UMODL1: variants seen among roughly 807,000 people sequenced by gnomAD.
UMODL1 encodes uromodulin-like 1.
In UMODL1, 128 loss-of-function variants were observed where a neutral mutation model predicts 136.3. The observed-to-expected ratio is 0.94, with a 90% CI of 0.81 to 1.09. UMODL1 has a LOEUF of 1.09. Among genes scored for constraint, UMODL1 ranks in the 50% least tolerant of loss-of-function variants. The probability of loss-of-function intolerance (pLI) is 0.00; values close to 1 mark genes in which losing one functional copy is unlikely to be tolerated. For synonymous variants in UMODL1, 721 were observed against 720.0 expected, an observed-to-expected ratio of 1.00 and a Z score of -0.02; for missense variants, 1,766 against 1,725.6, an observed-to-expected ratio of 1.02 and a Z score of -0.41.
At chr21:42,138,324 C>T (rs1260265692) in intron 22 of UMODL1, among the ~76,000 whole-genome samples, 1 of 152,150 alleles carries the variant, frequency 6.6e-6, no homozygotes, top group Non-Finnish European at 1.5e-5. Context: ...ACCTGGTGCT[C>T]GTAGGGATTG....
At chr21:42,127,876 C>A in intron 20 of UMODL1, 45 bp downstream of exon 20, 2 of 1,607,114 alleles carry the variant, frequency 1.2e-6, no homozygotes, top group South Asian at 1.1e-5. Flanking sequence ...GATTCACGTT[C>A]CTTATTGTTA....
chr21:42,128,245 C>T (rs1375037483), intron 20 of UMODL1: 2 of 299,052 alleles, frequency 6.7e-6, no homozygotes, highest in Non-Finnish European at 6.6e-6. Context: ...AAAGTTTTTT[C>T]CCCTTTCCTT....
rs2066605944 is a variant in UMODL1 at position 42,099,898 on chromosome 21, G to A, written c.1186+718G>A. Among the ~76,000 whole-genome samples the A allele has an allele frequency of 6.6e-6, 1 of 152,154 alleles. No individual in the cohort carries two copies. The highest frequency in any genetic ancestry group is 2.4e-5 in the African/African-American group (1 of 41,430). ...GTCTTGCCATGTTGCTCAGGCTGGT[G>A]TCAAACTCCTGGGCTCAAGTGATCT... is the stretch of plus-strand genomic sequence containing the variant. On this transcript the variant is annotated intron_variant, in intron 7 of 22. Coordinates refer to ENST00000408910, the MANE Select transcript of UMODL1 (RefSeq NM_001004416.3). The surrounding 1 kb of genome is among the most constrained non-coding windows in gnomAD (Gnocchi z 4.1).
intron 21 of UMODL1, among the ~76,000 whole-genome samples, chr21:42,130,536 C>T (rs957034004): frequency 2.6e-5 from 4 of 152,160 alleles, no homozygotes; most frequent in African/African-American, 9.7e-5. Context: ...ATAGAAATAG[C>T]GTCCCCAGGT....
chr21:42,137,342 TTCAGATCCA>T (rs1443591896), intron 21 of UMODL1, 88 bp from the exon 22 acceptor site: 22 of 1,473,182 alleles, frequency 1.5e-5, no homozygotes, highest in Non-Finnish European at 2.0e-5. Flanking sequence ...TTCCCCGTGC[TTCAGATCCA>T]TCAGCCCCGG....
intron 8 of UMODL1, chr21:42,102,536 CTTA>C: frequency 3.8e-6 from 1 of 261,842 alleles, no homozygotes; most frequent in Non-Finnish European, 7.3e-6. Flanking sequence ...GTGTACACCA[CTTA>C]CTCCTACTGT....
At chr21:42,076,958 A>G (rs908544447) in intron 2 of UMODL1, among the ~76,000 whole-genome samples, 2 of 148,714 alleles carry the variant, frequency 1.3e-5, no homozygotes, top group African/African-American at 5.0e-5. Context: ...GCAGGGACTC[A>G]GGGCTCAGCC....
At chr21:42,100,766 C>T (rs1348746154) in intron 7 of UMODL1, among the ~76,000 whole-genome samples, 1 of 89,364 alleles carries the variant, frequency 1.1e-5, no homozygotes, top group African/African-American at 4.6e-5. Flanking sequence ...ACCCCATGCC[C>T]TCCTCACCCT....
rs1212631186 is a variant in UMODL1 at position 42,122,256 on chromosome 21, G to C, written c.2828-575G>C. On this transcript the variant is annotated intron_variant, in intron 16 of 22. Coordinates refer to ENST00000408910, the MANE Select transcript of UMODL1 (RefSeq NM_001004416.3). This position sits in a 1 kb window ranked among gnomAD's most constrained non-coding sequence, Gnocchi z 4.3. ...ATATAGACCACCCCGAGAACAGGTGGGTGGATTGGAAAGCTTTCCGGGCCC... is the reference window on the plus strand; with the variant it reads ...ATATAGACCACCCCGAGAACAGGTGCGTGGATTGGAAAGCTTTCCGGGCCC... Among the ~76,000 whole-genome samples the C allele has an allele frequency of 6.6e-6, 1 of 152,194 alleles. No homozygotes were observed. Among genetic ancestry groups the C allele is most frequent in the Non-Finnish European group, 1.5e-5 (1 of 68,024 alleles).
chr21:42,074,564 G>C (rs1386025884), intron 1 of UMODL1, among the ~76,000 whole-genome samples: 1 of 152,146 alleles, frequency 6.6e-6, no homozygotes, highest in Non-Finnish European at 1.5e-5. Flanking sequence ...CAGGGGTCTC[G>C]AGAACGGAGT....
chr21:42,093,951 C>CTA (rs1488528439), intron 6 of UMODL1: 1 of 456,798 alleles, frequency 2.2e-6, no homozygotes, highest in Non-Finnish European at 4.4e-6. Context: ...AGAGAACTGT[C>CTA]TATAGATTCC....
At chr21:42,106,953 T>A (rs1202126464) in intron 9 of UMODL1, among the ~76,000 whole-genome samples, 1 of 152,212 alleles carries the variant, frequency 6.6e-6, no homozygotes, top group African/African-American at 2.4e-5. Context: ...GACAGTGCAT[T>A]TCTGATGGCC....
rs915839 is a variant in UMODL1, at chr21:42,126,526, G to A, written c.3293+36G>A. The A allele has an allele frequency of 1.9e-3, 3,094 of 1,613,834 alleles. 46 individuals are homozygous for A. In the African/African-American group the frequency reaches 0.034, roughly 18 times the overall value. On this transcript the variant is annotated intron_variant, in intron 18 of 22. Transcript: ENST00000408910. ...AATGCCCCGGCTGCCCCACAGCCAC[G>A]TGCCTCCAGACCACCTGCGCTTTGA...
intron 9 of UMODL1, among the ~76,000 whole-genome samples, chr21:42,108,918 C>A (rs1034918910): frequency 3.4e-5 from 5 of 146,782 alleles, no homozygotes; most frequent in Admixed American, 6.8e-5. Context: ...ACCCCCACCC[C>A]CCCCACGAGA....
rs753416994 is a variant in UMODL1, at chr21:42,084,043, C to T, written c.320-41C>T. 1.9e-5 allele frequency: 30 copies of T among 1,600,302 alleles called. No individual in the cohort carries two copies. The Admixed American group carries it at 2.7e-4, about 14-fold the overall frequency. On this transcript the variant is annotated intron_variant, in intron 2 of 22. Transcript: ENST00000408910. Reference sequence around the variant, plus strand: ...TCCCCGTGCAGCAAATCAGGTTTGTCTTTTATCGCCAGTATCATTAATTGT... The same window carrying T: ...TCCCCGTGCAGCAAATCAGGTTTGTTTTTTATCGCCAGTATCATTAATTGT...
At chr21:42,096,422 A>T (rs7281595) in intron 6 of UMODL1, among the ~76,000 whole-genome samples, 2 of 152,126 alleles carry the variant, frequency 1.3e-5, no homozygotes, top group African/African-American at 4.8e-5. Context: ...ATCTTAATTT[A>T]AAGAGTAAAT....
At position 42,122,161 on chromosome 21, in the gene UMODL1, C is replaced by A. The variant is rs1678094842; in HGVS notation, c.2828-670C>A. On this transcript the variant is annotated intron_variant, in intron 16 of 22. Coordinates refer to ENST00000408910, the MANE Select transcript of UMODL1 (RefSeq NM_001004416.3). This position sits in a 1 kb window ranked among gnomAD's most constrained non-coding sequence, Gnocchi z 4.3. ...GATAAAAGAAGGCACAAACCAGGCCCACAGATGATGGAGCCACTGCTGAAG... is the reference window on the plus strand; with the variant it reads ...GATAAAAGAAGGCACAAACCAGGCCAACAGATGATGGAGCCACTGCTGAAG... Among the ~76,000 whole-genome samples the A allele has an allele frequency of 6.6e-6, 1 of 152,122 alleles. No individual in the cohort carries two copies. Among genetic ancestry groups the A allele is most frequent in the South Asian group, 2.1e-4 (1 of 4,816 alleles).
chr21:42,102,179 T>C lies in UMODL1; in HGVS notation c.1200T>C (p.Phe400=). Residue 400 remains phenylalanine (F), a synonymous_variant, in exon 8 of 23, where the codon TTT becomes TTC. Coordinates refer to ENST00000408910, the MANE Select transcript of UMODL1 (RefSeq NM_001004416.3). ...TGTCTGTCTCAGATGCCCAGGTATTTGAAGTCACAATAAAGATTGTAAACC... is the reference window on the plus strand; with the variant it reads ...TGTCTGTCTCAGATGCCCAGGTATTCGAAGTCACAATAAAGATTGTAAACC... ...TLTIKTNAQV[F]EVTIKIVNHN... is the part of the protein sequence containing the mutation. 1 of 1,612,694 alleles carries C rather than the reference T, an allele frequency of 6.2e-7. No individual in the cohort carries two copies. The highest frequency in any genetic ancestry group is 2.2e-5 in the East Asian group (1 of 44,848).
At chr21:42,086,583 C>G (rs1159552426) in intron 4 of UMODL1, 6 of 455,466 alleles carry the variant, frequency 1.3e-5, no homozygotes, top group Non-Finnish European at 2.6e-5. Context: ...TGAAGCCACA[C>G]TGCCTGGCCC....
Sources: allele counts gnomAD v4.1 joint callset (sites outside exome capture counted in the v4.1 genomes callset), GRCh38; gene constraint gnomAD v4.1.1; non-coding constraint Gnocchi (gnomAD v3.1); transcripts MANE v1.5; gene names NCBI Gene and HGNC (gene_info 2026-07-23, HGNC 2026-07-21).